Variants in GFRAL observed in about 807,000 individuals in gnomAD.
GFRAL encodes GDNF family receptor alpha like, also known as GDNF family receptor alpha-like.
A neutral mutation model predicts 45.4 loss-of-function variants in GFRAL; 36 were observed. The observed-to-expected ratio is 0.79, with a 90% CI of 0.61 to 1.05. GFRAL has a LOEUF of 1.05. GFRAL is among the 50% of genes least tolerant of loss of function. The probability of loss-of-function intolerance (pLI) is 0.00; values close to 1 mark genes in which losing one functional copy is unlikely to be tolerated. For missense variants in GFRAL, 507 were observed against 467.5 expected, an observed-to-expected ratio of 1.08 and a Z score of -0.78; for synonymous variants, 166 against 154.1, an observed-to-expected ratio of 1.08 and a Z score of -0.57.
intron 1 of GFRAL, among the ~76,000 whole-genome samples, chr6:55,329,367 A>T (rs923729926): frequency 6.0e-4 from 92 of 152,286 alleles, no homozygotes; most frequent in African/African-American, 2.1e-3. Flanking sequence ...GGAAGACAAC[A>T]TGTAGTATTT....
intron 5 of GFRAL, among the ~76,000 whole-genome samples, chr6:55,357,943 A>C (rs1768218291): frequency 6.6e-6 from 1 of 151,812 alleles, no homozygotes; most frequent in African/African-American, 2.4e-5. Context: ...GTAACCCTTA[A>C]CAGCATTGAA....
intron 6 of GFRAL, among the ~76,000 whole-genome samples, chr6:55,379,187 G>A (rs1186001539): frequency 1.3e-5 from 2 of 151,788 alleles, no homozygotes; most frequent in South Asian, 2.1e-4. Context: ...TTTAGGTTTG[G>A]GGGTACATGT....
intron 3 of GFRAL, among the ~76,000 whole-genome samples, chr6:55,348,829 C>T (rs1406162919): frequency 6.6e-6 from 1 of 152,012 alleles, no homozygotes; most frequent in Non-Finnish European, 1.5e-5. Context: ...GTGAGTGAAG[C>T]TGTTGTTTAT....
intron 3 of GFRAL, among the ~76,000 whole-genome samples, chr6:55,336,777 G>T (rs1264172540): frequency 6.6e-6 from 1 of 152,100 alleles, no homozygotes; most frequent in Non-Finnish European, 1.5e-5. Flanking sequence ...ATTGTTGAAA[G>T]TGGACATCTT....
chr6:55,363,569 C>T (rs1177380608), intron 6 of GFRAL, among the ~76,000 whole-genome samples: 6 of 100,214 alleles, frequency 6.0e-5, no homozygotes, highest in Admixed American at 4.1e-4. Flanking sequence ...GTATATCTCC[C>T]GATGCTATCC....
intron 6 of GFRAL, among the ~76,000 whole-genome samples, chr6:55,393,996 A>G (rs1382670934): frequency 6.6e-6 from 1 of 152,230 alleles, no homozygotes; most frequent in Non-Finnish European, 1.5e-5. Flanking sequence ...AGTTCAGTGC[A>G]GTTTGCAATG....
At chr6:55,369,677 T>A (rs2127360321) in intron 6 of GFRAL, among the ~76,000 whole-genome samples, 1 of 99,774 alleles carries the variant, frequency 1.0e-5, no homozygotes, top group Non-Finnish European at 2.0e-5. Context: ...TTGTGCATTT[T>A]TAAATTTGGT....
Position 55,351,569 on chromosome 6 carries a change from T to C in GFRAL, c.687T>C (p.Asn229=). Residue 229 remains asparagine (N), a synonymous_variant, in exon 5 of 9, where the codon AAT becomes AAC. Transcript: ENST00000340465. ...TCAGTGTAATTCGCAGCTGCCAAAA[T>C]GATGAATTATGCAGGTGGGTAAAAA... ...TCLSVIRSCQ[N]DELCRRHYRT... The C allele has an allele frequency of 6.3e-7, 1 of 1,598,830 alleles. No individual in the cohort carries two copies. The highest frequency in any genetic ancestry group is 8.6e-7 in the Non-Finnish European group (1 of 1,168,064).
intron 6 of GFRAL, among the ~76,000 whole-genome samples, chr6:55,385,019 C>T (rs78960778): frequency 6.6e-6 from 1 of 152,194 alleles, no homozygotes; most frequent in East Asian, 1.9e-4. Flanking sequence ...ATTAGCTTTA[C>T]ATTTGCTGTC....
intron 6 of GFRAL, 42 bp from the exon 7 acceptor site, chr6:55,399,138 G>T (rs1281812111): frequency 5.0e-6 from 5 of 1,008,120 alleles, no homozygotes; most frequent in South Asian, 1.7e-5. Flanking sequence ...TTAAAATAAT[G>T]TATGATATGT....
Position 55,386,130 on chromosome 6 carries a change from T to C in GFRAL, c.953-13050T>C, listed in dbSNP as rs1383789668. Among the ~76,000 whole-genome samples the C allele has an allele frequency of 2.6e-5, 4 of 152,244 alleles. No individual in the cohort carries two copies. In the East Asian group the frequency reaches 7.7e-4, roughly 29 times the overall value. ...CTTTGCCCTTGAAAAAAGTACTTATTCTTTCAGAGAGCTAAATTGAGATTT... is the reference window on the plus strand; with the variant it reads ...CTTTGCCCTTGAAAAAAGTACTTATCCTTTCAGAGAGCTAAATTGAGATTT... On this transcript the variant is annotated intron_variant, in intron 6 of 8. Coordinates refer to ENST00000340465, the MANE Select transcript of GFRAL (RefSeq NM_207410.2).
intron 1 of GFRAL, among the ~76,000 whole-genome samples, chr6:55,328,103 C>T (rs1162692192): frequency 6.6e-6 from 1 of 151,906 alleles, no homozygotes; most frequent in African/African-American, 2.4e-5. Context: ...CAGAATGCTT[C>T]ATATTTTCAT....
chr6:55,399,411 G>A lies in GFRAL; in HGVS notation c.1091G>A (p.Gly364Glu). The A allele has an allele frequency of 6.2e-7, 1 of 1,611,448 alleles. No individual in the cohort carries two copies. Among genetic ancestry groups the A allele is most frequent in the Non-Finnish European group, 8.5e-7 (1 of 1,177,746 alleles). ...GCCATGTGCATGACAGTCACCTGTG[G>A]AATCCTTCTGTTGGTTATGGTCAAG... ...YAAMCMTVTC[G>E]ILLLVMVKLR... Residue 364 changes from glycine (G) to glutamate (E), a missense_variant, in exon 8 of 9, where the codon GGA becomes GAA. Transcript: ENST00000340465.
intron 3 of GFRAL, among the ~76,000 whole-genome samples, chr6:55,347,790 T>G (rs575427146): frequency 6.9e-4 from 105 of 152,216 alleles, no homozygotes; most frequent in South Asian, 1.5e-3. Context: ...TCTTCTTGCT[T>G]CCATGGGTGA....
chr6:55,367,295 T>C (rs1390026995), intron 6 of GFRAL, among the ~76,000 whole-genome samples: 1 of 139,750 alleles, frequency 7.2e-6, no homozygotes, highest in African/African-American at 2.9e-5. Context: ...ATTTGCTTGG[T>C]AGATCTTCCT....
intron 5 of GFRAL, among the ~76,000 whole-genome samples, chr6:55,357,128 A>G (rs2127356749): frequency 6.6e-6 from 1 of 152,036 alleles, no homozygotes; most frequent in Non-Finnish European, 1.5e-5. Flanking sequence ...TACCATTGAC[A>G]ACGATCTGCG....
chr6:55,337,442 C>T (rs573728691), intron 3 of GFRAL, among the ~76,000 whole-genome samples: 9 of 152,220 alleles, frequency 5.9e-5, no homozygotes, highest in African/African-American at 2.2e-4. Flanking sequence ...GAAGTATTTC[C>T]TCCTCTTCAA....
At chr6:55,366,082 G>C (rs374124282) in intron 6 of GFRAL, among the ~76,000 whole-genome samples, 16,963 of 151,444 alleles carry the variant, frequency 0.11, 1,038 homozygotes, top group African/African-American at 0.16. Flanking sequence ...GACTCTTTTT[G>C]GTTGGTAAGC....
chr6:55,346,771 A>G lies in GFRAL; in HGVS notation c.317-3321A>G, dbSNP rs13200691. ...TTTCAAGACACTGAAATAATTAGAA[A>G]CATGTAATTTTATCTTGGTGGAAAT... On this transcript the variant is annotated intron_variant, in intron 3 of 8. Transcript: ENST00000340465. Among the ~76,000 whole-genome samples, 509 of 151,986 alleles carry G rather than the reference A, an allele frequency of 3.3e-3. 1 individual carries two copies. Among genetic ancestry groups the G allele is most frequent in the Non-Finnish European group, 5.3e-3 (357 of 67,936 alleles).
Sources: allele counts gnomAD v4.1 joint callset (sites outside exome capture counted in the v4.1 genomes callset), GRCh38; gene constraint gnomAD v4.1.1; transcripts MANE v1.5; gene names NCBI Gene and HGNC (gene_info 2026-07-23, HGNC 2026-07-21).